PAPLN: variants seen among roughly 807,000 people sequenced by gnomAD.
PAPLN encodes the protein papilin.
Under a neutral mutation model 159.0 loss-of-function variants are expected in PAPLN, and 146 were observed. That is an observed-to-expected ratio of 0.92 (90% CI 0.80 to 1.05). PAPLN has a LOEUF of 1.05. Among genes scored for constraint, PAPLN ranks in the 50% least tolerant of loss-of-function variants. PAPLN has a pLI of 0.00. For synonymous variants in PAPLN, 734 were observed against 702.9 expected (o/e 1.04, Z -0.70); for missense variants, 1,720 against 1,743.9 (o/e 0.99, Z 0.24).
intron 18 of PAPLN, among the ~76,000 whole-genome samples, chr14:73,261,652 T>G (rs1886601024): frequency 6.6e-6 from 1 of 151,962 alleles, no homozygotes; most frequent in Non-Finnish European, 1.5e-5. Context: ...GCCTGGAATG[T>G]GGGTGGAGTA....
chr14:73,245,920 G>T lies in PAPLN; in HGVS notation c.232-153G>T, dbSNP rs1884208088. 1 of 884,322 alleles carries T rather than the reference G, an allele frequency of 1.1e-6. No individual in the cohort carries two copies. The allele number at this position is 884,322 out of a possible 1,614,324, so 54.8% of individuals were successfully genotyped here. ...GAGCACCATGGAGGGGCACGCACAG[G>T]AGTTCGGGGGTCCGGGGGGCGGACT... On this transcript the variant is annotated intron_variant, in intron 4 of 26. Coordinates refer to ENST00000644200, the MANE Select transcript of PAPLN (RefSeq NM_001365906.3). This position sits in a 1 kb window ranked among gnomAD's most constrained non-coding sequence, Gnocchi z 4.2.
chr14:73,252,824 G>A (rs976108519), intron 11 of PAPLN, 49 bp downstream of exon 11: 1 of 1,607,884 alleles, frequency 6.2e-7, no homozygotes, highest in Non-Finnish European at 8.5e-7. Context: ...AAGAACTTGG[G>A]TGGGAAGGGA....
chr14:73,256,530 C>A (rs1357771361), intron 14 of PAPLN, among the ~76,000 whole-genome samples: 5 of 70,824 alleles, frequency 7.1e-5, no homozygotes, highest in African/African-American at 3.6e-4. Flanking sequence ...GAGACTCTGT[C>A]TCAAAAAAAA....
In PAPLN at chr14:73,239,805, G is replaced by T; in HGVS notation, c.27G>T (p.Leu9=). 1 of 1,595,240 alleles carries T rather than the reference G, an allele frequency of 6.3e-7. No individual in the cohort carries two copies. The highest frequency in any genetic ancestry group is 8.5e-7 in the Non-Finnish European group (1 of 1,176,522). The change falls in exon 2 of 27, where the codon CTG becomes CTT. Residue 9 remains leucine, a synonymous_variant. Transcript: ENST00000644200. Reference sequence around the variant, plus strand: ...TGCGGCTGCTCCTGCTCGTGCCGCTGCTGCTGGCTCCAGCGCCCGGGTCCT... The same window carrying T: ...TGCGGCTGCTCCTGCTCGTGCCGCTTCTGCTGGCTCCAGCGCCCGGGTCCT... MRLLLLVP[L]LLAPAPGSSA...
chr14:73,271,565 G>C (rs891093599), intron 26 of PAPLN, among the ~76,000 whole-genome samples: 4 of 151,620 alleles, frequency 2.6e-5, no homozygotes, highest in African/African-American at 9.7e-5. Context: ...GCAGTGGTGT[G>C]GTCTCAGCTC....
rs177383 is a variant in PAPLN, at chr14:73,265,594, C to T, written c.3263+87C>T. 7.7e-6 allele frequency: 12 copies of T among 1,552,760 alleles called. No individual in the cohort carries two copies. The highest frequency in any genetic ancestry group is 9.6e-6 in the Non-Finnish European group (11 of 1,147,078). On this transcript the variant is annotated intron_variant, in intron 23 of 26. Coordinates refer to ENST00000644200, the MANE Select transcript of PAPLN (RefSeq NM_001365906.3). The surrounding 1 kb of genome is among the most constrained non-coding windows in gnomAD (Gnocchi z 4.1). ...GGCCACCGGGGAAGGGAGCTGCTAG[C>T]GCATGGTCATGGCCAGTCCTGAGCC...
intron 14 of PAPLN, among the ~76,000 whole-genome samples, chr14:73,256,349 T>C (rs1566690853): frequency 6.6e-6 from 1 of 151,550 alleles, no homozygotes; most frequent in Non-Finnish European, 1.5e-5. Flanking sequence ...TGGCCAACAT[T>C]GTGAAATCCC....
Position 73,262,698 on chromosome 14 carries a change from G to A in PAPLN, c.2594G>A (p.Gly865Glu), listed in dbSNP as rs372265478. 23 of 1,509,658 alleles carry A rather than the reference G, an allele frequency of 1.5e-5. No homozygotes were observed. The East Asian group carries it at 2.3e-4, about 15-fold the overall frequency. 93.5% of individuals were successfully genotyped at this position (1,509,658 alleles called of 1,614,324 possible). Reference protein sequence around the residue: ...GGLWRQDQQPGPGEAPHTQAF... With the variant: ...GGLWRQDQQPEPGEAPHTQAF... ...CTCTGGCGGCAAGACCAACAGCCTG[G>A]GCCAGGGGAGGCCCCCCACACCCAG... Residue 865 changes from glycine to glutamate, a missense_variant, in exon 19 of 27, where the codon GGG becomes GAG. Transcript: ENST00000644200.
chr14:73,260,703 G>T lies in PAPLN; in HGVS notation c.1986-6G>T. On this transcript the variant is annotated splice_polypyrimidine_tract_variant and splice_region_variant and intron_variant, in intron 16 of 26. Coordinates refer to ENST00000644200, the MANE Select transcript of PAPLN (RefSeq NM_001365906.3). ...GGCAGTGAGGGGCTGTGTGATGTCT[G>T]CCTAGGTACGGGTGCTGCCCTGACA... is the stretch of plus-strand genomic sequence containing the variant. 1 of 1,458,906 alleles carries T rather than the reference G, an allele frequency of 6.9e-7. No individual in the cohort carries two copies. Among genetic ancestry groups the T allele is most frequent in the Non-Finnish European group, 9.0e-7 (1 of 1,108,700 alleles). 90.4% of individuals were successfully genotyped at this position (1,458,906 alleles called of 1,614,324 possible).
In PAPLN at chr14:73,254,525, T is replaced by C. The variant is rs1036985978; in HGVS notation, c.1315T>C (p.Cys439Arg). The C allele has an allele frequency of 1.2e-6, 2 of 1,613,958 alleles. No individual in the cohort carries two copies. The highest frequency in any genetic ancestry group is 8.5e-7 in the Non-Finnish European group (1 of 1,179,858). Residue 439 changes from cysteine (C) to arginine (R), a missense_variant, in exon 13 of 27, where the codon TGT becomes CGT. Physicochemically the swap from Cys to Arg is radical, Grantham distance 180 (BLOSUM62 -3). Coordinates refer to ENST00000644200, the MANE Select transcript of PAPLN (RefSeq NM_001365906.3). ...PEPWGECSVSCGVGVRKRSVT... is the reference protein window; with the variant it reads ...PEPWGECSVSRGVGVRKRSVT... ...CTTGTCCTTGCAGTGTTCTGTCAGTTGTGGCGTTGGCGTCCGGAAGCGGAG... is the reference window on the plus strand; with the variant it reads ...CTTGTCCTTGCAGTGTTCTGTCAGTCGTGGCGTTGGCGTCCGGAAGCGGAG...
At chr14:73,262,229 G>T in intron 18 of PAPLN, 121 bp from the exon 19 acceptor site, 1 of 1,004,672 alleles carries the variant, frequency 1.0e-6, no homozygotes, top group Non-Finnish European at 1.5e-6. Context: ...CCCAGACAGG[G>T]GTGTAGACAT....
chr14:73,270,647 G>A (rs1887636132), intron 26 of PAPLN, among the ~76,000 whole-genome samples: 2 of 152,226 alleles, frequency 1.3e-5, no homozygotes, highest in Admixed American at 1.3e-4. Flanking sequence ...CACAGTGAGA[G>A]AACTGTCAAG....
Position 73,264,678 on chromosome 14 carries a change from C to T in PAPLN, c.3077C>T (p.Ala1026Val), listed in dbSNP as rs542827957. The change falls in exon 22 of 27, where the codon GCT becomes GTT. Residue 1026 changes from alanine (A) to valine (V), a missense_variant. Physicochemically the swap from Ala to Val is moderately conservative, Grantham distance 64 (BLOSUM62 0). Coordinates refer to ENST00000644200, the MANE Select transcript of PAPLN (RefSeq NM_001365906.3). ...PAQDFGQAGA[A>V]GPLGAIPSSH... is the part of the protein sequence containing the mutation. The stretch of plus-strand genomic sequence containing the variant: ...CAGGACTTTGGCCAAGCGGGGGCTG[C>T]TGGGCCCCTGGGGGCCATCCCCTCT... 6.2e-7 allele frequency: 1 copy of T among 1,611,164 alleles called. No individual in the cohort carries two copies. The highest frequency in any genetic ancestry group is 1.1e-5 in the South Asian group (1 of 90,838).
At chr14:73,269,347 C>G (rs1274679348) in intron 26 of PAPLN, among the ~76,000 whole-genome samples, 1 of 151,716 alleles carries the variant, frequency 6.6e-6, no homozygotes, top group Non-Finnish European at 1.5e-5. Context: ...TAAGTGGAAT[C>G]TTACTTGCAT....
intron 2 of PAPLN, chr14:73,244,401 T>C: frequency 2.2e-6 from 1 of 448,416 alleles, no homozygotes; most frequent in Non-Finnish European, 4.0e-6. Flanking sequence ...TCTTCCCAGC[T>C]GCTCCTGCTC....
Position 73,253,835 on chromosome 14 carries a change from T to C in PAPLN, c.1176T>C (p.Ser392=), listed in dbSNP as rs778445969. The change falls in exon 12 of 27, where the codon TCT becomes TCC. Residue 392 remains serine (S), a synonymous_variant. Coordinates refer to ENST00000644200, the MANE Select transcript of PAPLN (RefSeq NM_001365906.3). ...CCCGCTCCGTGTACTGCATCTCGTC[T>C]GACGGGGCCGGCATCCAGGAGGCCG... ...SQSRSVYCIS[S]DGAGIQEAVE... is the part of the protein sequence containing the mutation. 3.1e-6 allele frequency: 5 copies of C among 1,613,702 alleles called. No homozygotes were observed. Among genetic ancestry groups the C allele is most frequent in the Non-Finnish European group, 4.2e-6 (5 of 1,179,958 alleles).
intron 16 of PAPLN, among the ~76,000 whole-genome samples, 162 bp from the exon 17 acceptor site, chr14:73,260,547 C>T (rs938950099): frequency 1.3e-5 from 2 of 152,050 alleles, no homozygotes; most frequent in East Asian, 1.9e-4. Flanking sequence ...GCAGAGATTG[C>T]GGCACACAAA....
In PAPLN at chr14:73,239,830, T is replaced by C; in HGVS notation, c.52T>C (p.Ser18Pro). Residue 18 changes from serine (S) to proline (P), a missense_variant and splice_region_variant, in exon 2 of 27, where the codon TCG (serine) becomes CCG (proline). Coordinates refer to ENST00000644200, the MANE Select transcript of PAPLN (RefSeq NM_001365906.3). ...PLLLAPAPGS[S>P]APKVRRQSDT... Reference sequence around the variant, plus strand: ...GCTGCTGGCTCCAGCGCCCGGGTCCTCGGTGAGTGCGGTCCTGCCCCGGCC... The same window carrying C: ...GCTGCTGGCTCCAGCGCCCGGGTCCCCGGTGAGTGCGGTCCTGCCCCGGCC... 6.3e-7 allele frequency: 1 copy of C among 1,589,250 alleles called. No homozygotes were observed. Among genetic ancestry groups the C allele is most frequent in the East Asian group, 2.3e-5 (1 of 44,298 alleles).
At chr14:73,261,421 T>G in intron 18 of PAPLN, 127 bp downstream of exon 18, 1 of 1,343,858 alleles carries the variant, frequency 7.4e-7, no homozygotes, top group South Asian at 1.4e-5. Flanking sequence ...CCACAAATGT[T>G]GATTGCCTGC....
Sources: allele counts gnomAD v4.1 joint callset (sites outside exome capture counted in the v4.1 genomes callset), GRCh38; gene constraint gnomAD v4.1.1; non-coding constraint Gnocchi (gnomAD v3.1); transcripts MANE v1.5; gene names NCBI Gene and HGNC (gene_info 2026-07-23, HGNC 2026-07-21).